RIC1: variants seen among roughly 807,000 people sequenced by gnomAD.
The protein encoded by RIC1 is RIC1 partner of RAB6A GEF complex, also known as guanine nucleotide exchange factor subunit RIC1.
Under a neutral mutation model 169.0 loss-of-function variants are expected in RIC1, and 88 were observed. The ratio of observed to expected loss-of-function variants is 0.52; its 90% confidence interval spans 0.44 to 0.62. The LOEUF (loss-of-function observed/expected upper bound fraction) is 0.62, where lower values mean the gene tolerates loss of function less well. RIC1 is among the 20% of genes least tolerant of loss of function. The pLI is 0.00. For synonymous variants in RIC1, 790 were observed against 601.5 expected (o/e 1.31, Z -4.59); for missense variants, 1,877 against 1,725.5 (o/e 1.09, Z -1.56).
Position 5,705,193 on chromosome 9 carries a change from T to G in RIC1, c.333-8703T>G, listed in dbSNP as rs566110846. 8.1e-3 allele frequency among the ~76,000 whole-genome samples: 348 copies of G among 43,012 alleles called. 1 individual carries two copies. The highest frequency in any genetic ancestry group is 0.01 in the Non-Finnish European group (252 of 24,132). 28.2% of individuals were successfully genotyped at this position (43,012 alleles called of 152,430 possible). A position where few individuals can be genotyped will look rare whatever the true frequency, so the allele number is the denominator to read the frequency against. ...TTTAGGATCAGCTTTCCCATTTCTG[T>G]TTTTTTTTTTTTTTTTTTTAAAAGA... On this transcript the variant is annotated intron_variant, in intron 3 of 25. Coordinates refer to ENST00000414202, the MANE Select transcript of RIC1 (RefSeq NM_020829.4).
At chr9:5,758,731 T>TC (rs1444339932) in intron 17 of RIC1, among the ~76,000 whole-genome samples, 3 of 150,896 alleles carry the variant, frequency 2.0e-5, no homozygotes, top group Non-Finnish European at 4.4e-5. Flanking sequence ...TCTTTTTTTT[T>TC]TTTTTTTTTT....
rs148160715 is a variant in RIC1 at position 5,763,302 on chromosome 9, A to C, written c.2275A>C (p.Lys759Gln). 2.2e-5 allele frequency: 36 copies of C among 1,614,046 alleles called. No individual in the cohort carries two copies. The change falls in exon 19 of 26, where the codon AAG (lysine) becomes CAG (glutamine). Residue 759 changes from lysine to glutamine, a missense_variant. This residue lies in a region of RIC1 where 1,104 missense variants were observed against 992.0 expected (regional missense o/e 1.11). Transcript: ENST00000414202. The surrounding 1 kb of genome is among the most constrained non-coding windows in gnomAD (Gnocchi z 5.2). Reference protein sequence around the residue: ...WLPLFPRDHRKPHSFLSQRIM... With the variant: ...WLPLFPRDHRQPHSFLSQRIM... ...CCCTCTCTTCCCTAGGGATCACCGC[A>C]AGCCCCATTCCTTCTTGTCCCAGCG... is the stretch of plus-strand genomic sequence containing the variant.
At chr9:5,706,751 T>G (rs1822611303) in intron 3 of RIC1, among the ~76,000 whole-genome samples, 1 of 152,216 alleles carries the variant, frequency 6.6e-6, no homozygotes, top group Non-Finnish European at 1.5e-5. Flanking sequence ...TTTACAATAT[T>G]CTCTTATAAC....
chr9:5,650,979 G>T (rs1818769824), intron 1 of RIC1, among the ~76,000 whole-genome samples: 1 of 152,176 alleles, frequency 6.6e-6, no homozygotes, highest in Non-Finnish European at 1.5e-5. Context: ...GATGCAGCCT[G>T]TTAAGAGCTG....
intron 1 of RIC1, among the ~76,000 whole-genome samples, chr9:5,649,651 C>A (rs1179322712): frequency 6.6e-6 from 1 of 151,368 alleles, no homozygotes; most frequent in South Asian, 2.1e-4. Flanking sequence ...TATTTTGAAT[C>A]CTGTTGCTGG....
At chr9:5,753,738 G>A in intron 14 of RIC1, 92 bp downstream of exon 14, 6 of 510,908 alleles carry the variant, frequency 1.2e-5, no homozygotes, top group South Asian at 1.1e-4. Flanking sequence ...AAGTAATTTT[G>A]GTTACTTATT....
downstream of RIC1, among the ~76,000 whole-genome samples, chr9:5,777,425 T>G (rs1422765460): frequency 6.7e-6 from 1 of 149,302 alleles, no homozygotes; most frequent in Non-Finnish European, 1.5e-5. Flanking sequence ...ACAAATTGAG[T>G]GGTGAGAATA....
In RIC1 at chr9:5,713,885, G is replaced by T. The variant is rs1381909362; in HGVS notation, c.333-11G>T. 2 of 1,594,812 alleles carry T rather than the reference G, an allele frequency of 1.3e-6. No homozygotes were observed. The highest frequency in any genetic ancestry group is 2.2e-5 in the East Asian group (1 of 44,638). The stretch of plus-strand genomic sequence containing the variant: ...CAGCATCTTTCTTTAACTCTATGCT[G>T]TTTGTTTTAGAGGAAGTCCACAAAT... On this transcript the variant is annotated splice_polypyrimidine_tract_variant and intron_variant, in intron 3 of 25. Coordinates refer to ENST00000414202, the MANE Select transcript of RIC1 (RefSeq NM_020829.4).
At position 5,757,458 on chromosome 9, in the gene RIC1, C is replaced by T. The variant is rs1463320933; in HGVS notation, c.1992+7C>T. On this transcript the variant is annotated splice_region_variant and intron_variant, in intron 17 of 25. Coordinates refer to ENST00000414202, the MANE Select transcript of RIC1 (RefSeq NM_020829.4). ...CTTGAAAATGCCACAGCAGGTACCA[C>T]TCCATTATCAAAGGTCTTTGGAGTT... 1 of 1,613,760 alleles carries T rather than the reference C, an allele frequency of 6.2e-7. No homozygotes were observed. The highest frequency in any genetic ancestry group is 1.1e-5 in the South Asian group (1 of 91,058).
intron 2 of RIC1, among the ~76,000 whole-genome samples, chr9:5,676,800 C>A (rs368599528): frequency 2.6e-5 from 4 of 152,182 alleles, no homozygotes; most frequent in African/African-American, 9.7e-5. Flanking sequence ...TTAAGTCATA[C>A]ACTGTATACT....
At chr9:5,686,290 T>G (rs201057263) in intron 2 of RIC1, among the ~76,000 whole-genome samples, 25 of 152,092 alleles carry the variant, frequency 1.6e-4, no homozygotes, top group East Asian at 3.9e-4. Context: ...TATACCCAAA[T>G]GACTATAAAT....
intron 2 of RIC1, among the ~76,000 whole-genome samples, chr9:5,664,622 A>T (rs1404960081): frequency 2.6e-5 from 4 of 151,894 alleles, no homozygotes; most frequent in Non-Finnish European, 5.9e-5. Flanking sequence ...TATCTTACTG[A>T]GGTTTTCTGC....
chr9:5,692,950 C>G (rs1421245635), intron 3 of RIC1, among the ~76,000 whole-genome samples: 1 of 152,034 alleles, frequency 6.6e-6, no homozygotes, highest in Non-Finnish European at 1.5e-5. Flanking sequence ...GTAACTCACC[C>G]ATAGTCACAC....
At chr9:5,752,733 G>A (rs1033118808) in intron 12 of RIC1, among the ~76,000 whole-genome samples, 1 of 152,104 alleles carries the variant, frequency 6.6e-6, no homozygotes, top group Non-Finnish European at 1.5e-5. Context: ...ACCACACCTG[G>A]CCTAAGCATT....
intron 3 of RIC1, among the ~76,000 whole-genome samples, chr9:5,698,805 T>G (rs902181135): frequency 1.6e-4 from 24 of 152,224 alleles, no homozygotes; most frequent in African/African-American, 5.8e-4. Flanking sequence ...CTAGGTTGCC[T>G]TCTGAATTAT....
chr9:5,650,818 T>C (rs926375526), intron 1 of RIC1, among the ~76,000 whole-genome samples: 3 of 152,038 alleles, frequency 2.0e-5, no homozygotes, highest in Non-Finnish European at 4.4e-5. Flanking sequence ...CTCCACAGTG[T>C]AGGATTTTAT....
intron 1 of RIC1, among the ~76,000 whole-genome samples, chr9:5,632,777 T>C (rs1339854894): frequency 1.3e-5 from 2 of 152,194 alleles, no homozygotes; most frequent in African/African-American, 4.8e-5. Flanking sequence ...GAATTACATT[T>C]TGTACTGTAC....
chr9:5,756,395 GTCA>G, intron 16 of RIC1, 23 bp downstream of exon 16: 1 of 1,376,818 alleles, frequency 7.3e-7, no homozygotes, highest in Non-Finnish European at 9.5e-7. Flanking sequence ...CATATGAGAA[GTCA>G]CTTTTTGCTC....
At chr9:5,652,270 G>T (rs2381362) in intron 1 of RIC1, among the ~76,000 whole-genome samples, 33,206 of 152,088 alleles carry the variant, frequency 0.22, 4,745 homozygotes, top group Non-Finnish European at 0.32. Flanking sequence ...TTTTGGTAGG[G>T]ATTACATTGG....
Sources: allele counts gnomAD v4.1 joint callset (sites outside exome capture counted in the v4.1 genomes callset), GRCh38; gene constraint gnomAD v4.1.1; regional missense constraint gnomAD v4.1.1; non-coding constraint Gnocchi (gnomAD v3.1); transcripts MANE v1.5; gene names NCBI Gene and HGNC (gene_info 2026-07-23, HGNC 2026-07-21).